Variants in KDELR1 observed in about 807,000 individuals in gnomAD.
KDELR1 encodes KDEL endoplasmic reticulum protein retention receptor 1.
KDELR1 carries 16 observed loss-of-function variants against 25.5 expected under a neutral mutation model. The observed-to-expected ratio is 0.63, with a 90% CI of 0.43 to 0.95. The LOEUF (loss-of-function observed/expected upper bound fraction) is 0.95, where lower values mean the gene tolerates loss of function less well. Among genes scored for constraint, KDELR1 ranks in the 40% least tolerant of loss-of-function variants. The probability of loss-of-function intolerance (pLI) is 0.00; values close to 1 mark genes in which losing one functional copy is unlikely to be tolerated. For missense variants in KDELR1, 159 were observed against 265.2 expected, an observed-to-expected ratio of 0.60 and a Z score of 2.78; for synonymous variants, 121 against 115.0, an observed-to-expected ratio of 1.05 and a Z score of -0.33.
intron 3 of KDELR1, among the ~76,000 whole-genome samples, chr19:48,388,489 C>A (rs190145928): frequency 2.0e-5 from 3 of 152,114 alleles, no homozygotes; most frequent in Non-Finnish European, 4.4e-5. Flanking sequence ...AATTCGAGAC[C>A]AGCCTGGCCA....
chr19:48,390,271 C>T (rs1457317050), intron 2 of KDELR1, 153 bp downstream of exon 2: 2 of 566,196 alleles, frequency 3.5e-6, no homozygotes, highest in Non-Finnish European at 6.3e-6. Context: ...TCCCTTCTTC[C>T]CTCAGACCCA....
At chr19:48,391,130 C>T (rs1030426398) in intron 1 of KDELR1, 138 bp downstream of exon 1, 2 of 753,518 alleles carry the variant, frequency 2.7e-6, no homozygotes, top group Admixed American at 4.2e-5. Flanking sequence ...AGACCCAGAA[C>T]CTAGAAGAGA....
Position 48,384,135 on chromosome 19 carries a change from T to A in KDELR1, c.604+95A>T. On this transcript the variant is annotated intron_variant, in intron 4 of 4. Coordinates refer to ENST00000330720, the MANE Select transcript of KDELR1 (RefSeq NM_006801.3). This position sits in a 1 kb window ranked among gnomAD's most constrained non-coding sequence, Gnocchi z 4.6. ...CCCGGCGAAGAAATGCTCCCTTCTT[T>A]GCATAATACAGGGGTAAGGAGACCC... 15 of 1,466,066 alleles carry A rather than the reference T, an allele frequency of 1.0e-5. No homozygotes were observed. Among genetic ancestry groups the A allele is most frequent in the Non-Finnish European group, 1.4e-5 (15 of 1,077,202 alleles). 90.8% of individuals were successfully genotyped at this position (1,466,066 alleles called of 1,614,324 possible). A position where few individuals can be genotyped will look rare whatever the true frequency, so the allele number is the denominator to read the frequency against.
upstream of KDELR1, chr19:48,391,622 C>T (rs1351042041): frequency 6.2e-6 from 3 of 486,870 alleles, no homozygotes; most frequent in South Asian, 2.2e-5. Flanking sequence ...CCTGGATCCC[C>T]GGCGCCCCCT....
chr19:48,388,760 AAAGGAAAGAAAGGAAG>A (rs1569052676), intron 3 of KDELR1, among the ~76,000 whole-genome samples: 1 of 150,790 alleles, frequency 6.6e-6, no homozygotes, highest in Non-Finnish European at 1.5e-5. Context: ...AAGAAGAAAG[AAAGGAAAGAAAGGAAG>A]AAAGAAAGAA....
chr19:48,395,325 C>T (rs1289465325), upstream of KDELR1, among the ~76,000 whole-genome samples: 1 of 151,750 alleles, frequency 6.6e-6, no homozygotes, highest in Non-Finnish European at 1.5e-5. Context: ...CTCGCTCTCC[C>T]CTCCCATGTC....
chr19:48,390,963 C>T (rs1970543647), intron 1 of KDELR1: 3 of 493,222 alleles, frequency 6.1e-6, no homozygotes, highest in South Asian at 4.2e-5. Context: ...CACCAACTCA[C>T]AGCCACCTCC....
intron 3 of KDELR1, among the ~76,000 whole-genome samples, chr19:48,388,403 G>C (rs986389867): frequency 4.6e-5 from 7 of 152,118 alleles, no homozygotes; most frequent in African/African-American, 1.7e-4. Flanking sequence ...AGCAGATTTG[G>C]AGCCGGGCGC....
In KDELR1 at chr19:48,384,292, AT is replaced by A; in HGVS notation, c.541del (p.Ile181LeufsTer23). The A allele has an allele frequency of 6.2e-7, 1 of 1,614,236 alleles. No homozygotes were observed. The highest frequency in any genetic ancestry group is 8.5e-7 in the Non-Finnish European group (1 of 1,180,044). On this transcript the variant is annotated frameshift_variant, in exon 4 of 5. Transcript: ENST00000330720. LOFTEE classifies it high-confidence loss of function. The surrounding 1 kb of genome is among the most constrained non-coding windows in gnomAD (Gnocchi z 4.6). The stretch of plus-strand genomic sequence containing the variant: ...GACTGTCTGGACCAGGCCTGCCACA[AT>A]GGCGATGAGGTCGAAGAAGCCCTCG... Reference protein sequence around the residue: ...HFEGFFDLIAIVAGLVQTVLY... With the variant: ...HFEGFFDLIAXVAGLVQTVLY...
rs564848916 is a variant in KDELR1, at chr19:48,386,176, C to G, written c.352-1694G>C. 5.1e-3 allele frequency among the ~76,000 whole-genome samples: 776 copies of G among 150,962 alleles called. 7 individuals are homozygous for G. The highest frequency in any genetic ancestry group is 0.018 in the African/African-American group (739 of 41,028). ...TCACCCAGGCTGGAGTGCAGTGGCGCGATCTCGGCTCACTGCAAACCTCCA... is the reference window on the plus strand; with the variant it reads ...TCACCCAGGCTGGAGTGCAGTGGCGGGATCTCGGCTCACTGCAAACCTCCA... On this transcript the variant is annotated intron_variant, in intron 3 of 4. Transcript: ENST00000330720.
At chr19:48,388,749 AAAG>A (rs1027779967) in intron 3 of KDELR1, among the ~76,000 whole-genome samples, 10 of 151,062 alleles carry the variant, frequency 6.6e-5, no homozygotes, top group Non-Finnish European at 1.5e-4. Flanking sequence ...GAAAGGAAGG[AAAG>A]AAGAAAGAAA....
intron 1 of KDELR1, 53 bp from the exon 2 acceptor site, chr19:48,390,577 G>GAGAGAGAGAGAGAGAC (rs1555890422): frequency 5.5e-4 from 541 of 980,118 alleles, no homozygotes; most frequent in African/African-American, 2.6e-3. Context: ...GAGAGAGAGA[G>GAGAGAGAGAGAGAGAC]AGACAGACAG....
At chr19:48,389,757 G>GCC in intron 2 of KDELR1, 46 bp from the exon 3 acceptor site, 1 of 1,604,540 alleles carries the variant, frequency 6.2e-7, no homozygotes, top group East Asian at 2.2e-5. Context: ...ACAGGCCTGT[G>GCC]CCCCAGTAGG....
chr19:48,391,042 C>T (rs1057512997), intron 1 of KDELR1, among the ~76,000 whole-genome samples: 1 of 152,146 alleles, frequency 6.6e-6, no homozygotes, highest in Admixed American at 6.5e-5. Context: ...CTGGGGGTGG[C>T]TGAATTGGGG....
upstream of KDELR1, among the ~76,000 whole-genome samples, chr19:48,393,636 G>C (rs998449219): frequency 2.0e-5 from 3 of 152,226 alleles, no homozygotes; most frequent in South Asian, 4.2e-4. This position sits in a 1 kb window ranked among gnomAD's most constrained non-coding sequence, Gnocchi z 5.6. Context: ...GGGTCTCCCG[G>C]CAGTGGCAGA....
chr19:48,390,348 C>T, intron 2 of KDELR1, 76 bp downstream of exon 2: 1 of 1,103,638 alleles, frequency 9.1e-7, no homozygotes, highest in Non-Finnish European at 1.4e-6. Flanking sequence ...CCTCCTCCCT[C>T]AGACCTAGGA....
chr19:48,384,569 G>T lies in KDELR1; in HGVS notation c.352-87C>A. The T allele has an allele frequency of 6.8e-7, 1 of 1,479,322 alleles. No individual in the cohort carries two copies. The highest frequency in any genetic ancestry group is 1.3e-5 in the South Asian group (1 of 76,546). The allele number at this position is 1,479,322 out of a possible 1,614,324, so 91.6% of individuals were successfully genotyped here. On this transcript the variant is annotated intron_variant, in intron 3 of 4. Transcript: ENST00000330720. This position sits in a 1 kb window ranked among gnomAD's most constrained non-coding sequence, Gnocchi z 4.6. ...ACAACATTGCAGTTACAGGTGCCGC[G>T]AAGGTGGAGAGAAGGAAGGTGATCC...
chr19:48,390,706 C>A, intron 1 of KDELR1, 182 bp from the exon 2 acceptor site: 1 of 560,952 alleles, frequency 1.8e-6, no homozygotes. Context: ...TCCCCGGAGG[C>A]CTCCCCAGCC....
chr19:48,396,232 G>A (rs184236332), upstream of KDELR1, among the ~76,000 whole-genome samples: 1 of 152,190 alleles, frequency 6.6e-6, no homozygotes, highest in Non-Finnish European at 1.5e-5. Flanking sequence ...TGAGGGCGTG[G>A]GTTCTGGGGG....
Sources: allele counts gnomAD v4.1 joint callset (sites outside exome capture counted in the v4.1 genomes callset), GRCh38; gene constraint gnomAD v4.1.1; non-coding constraint Gnocchi (gnomAD v3.1); transcripts MANE v1.5; gene names NCBI Gene and HGNC (gene_info 2026-07-23, HGNC 2026-07-21).